Variants in RORA observed in about 807,000 individuals in gnomAD.
RORA encodes the protein nuclear receptor ROR-alpha.
A neutral mutation model predicts 69.5 loss-of-function variants in RORA; 7 were observed. The ratio of observed to expected loss-of-function variants is 0.10; its 90% CI spans 0.06 to 0.19. RORA has a LOEUF of 0.19. RORA is among the 10% of genes least tolerant of loss of function. RORA has a pLI of 1.00. For missense variants in RORA, 457 were observed against 663.0 expected (o/e 0.69, Z 3.41); for synonymous variants, 261 against 240.8 (o/e 1.08, Z -0.78).
intron 2 of RORA, among the ~76,000 whole-genome samples, chr15:60,572,826 C>G (rs1326161590): frequency 6.6e-6 from 1 of 152,182 alleles, no homozygotes; most frequent in Admixed American, 6.5e-5. Context: ...AGGCAGCTGG[C>G]AACGAATACT....
At chr15:61,023,614 C>A (rs1022572836) in intron 1 of RORA, among the ~76,000 whole-genome samples, 4 of 152,202 alleles carry the variant, frequency 2.6e-5, no homozygotes, top group African/African-American at 9.6e-5. Context: ...GTGGGACAAT[C>A]TCAAGATCAG....
At chr15:60,996,730 G>T (rs1398999968) in intron 1 of RORA, among the ~76,000 whole-genome samples, 1 of 152,052 alleles carries the variant, frequency 6.6e-6, no homozygotes, top group East Asian at 1.9e-4. Context: ...CTAACATGGT[G>T]AAACCCCGTC....
At chr15:60,930,857 G>A (rs1391765080) in intron 1 of RORA, among the ~76,000 whole-genome samples, 1 of 152,154 alleles carries the variant, frequency 6.6e-6, no homozygotes, top group Non-Finnish European at 1.5e-5. Context: ...ACCGACCCTG[G>A]TGGGGCAAAA....
chr15:60,610,302 G>A (rs2069055922), intron 2 of RORA, among the ~76,000 whole-genome samples: 1 of 152,048 alleles, frequency 6.6e-6, no homozygotes, highest in African/African-American at 2.4e-5. Context: ...GCAAGGCAAT[G>A]GCAATCCATC....
intron 1 of RORA, among the ~76,000 whole-genome samples, chr15:60,776,785 C>T (rs758909089): frequency 3.3e-5 from 5 of 152,066 alleles, no homozygotes; most frequent in Non-Finnish European, 7.4e-5. Context: ...GTGCAATTAC[C>T]GTCTTTGGAT....
At chr15:61,078,922 C>A (rs1476304880) in intron 1 of RORA, among the ~76,000 whole-genome samples, 2 of 152,158 alleles carry the variant, frequency 1.3e-5, no homozygotes, top group African/African-American at 4.8e-5. Context: ...AACAGCTCTA[C>A]AAGGTCCACT....
chr15:60,665,007 C>T (rs145149973), intron 2 of RORA, among the ~76,000 whole-genome samples: 1 of 152,142 alleles, frequency 6.6e-6, no homozygotes, highest in South Asian at 2.1e-4. Flanking sequence ...ATGAGGTGGA[C>T]AATAGTTTTG....
intron 1 of RORA, among the ~76,000 whole-genome samples, chr15:61,062,932 T>C (rs529032740): frequency 6.6e-6 from 1 of 152,322 alleles, no homozygotes; most frequent in South Asian, 2.1e-4. Flanking sequence ...TTTTTTTTTC[T>C]AAGTTATGAT....
intron 2 of RORA, among the ~76,000 whole-genome samples, chr15:60,556,352 G>C (rs1164831925): frequency 6.6e-6 from 1 of 152,104 alleles, no homozygotes; most frequent in Non-Finnish European, 1.5e-5. Context: ...TTCATAAATA[G>C]AAACAGGGAG....
chr15:60,801,075 A>G (rs987180706), intron 1 of RORA, among the ~76,000 whole-genome samples: 1 of 152,218 alleles, frequency 6.6e-6, no homozygotes, highest in Non-Finnish European at 1.5e-5. Context: ...ATAAAGAGTT[A>G]TTACCAAAGG....
At chr15:60,627,180 T>TG (rs2069606063) in intron 2 of RORA, 1 of 1,480,236 alleles carries the variant, frequency 6.8e-7, no homozygotes, top group Non-Finnish European at 9.4e-7. Context: ...TTGTGGGTGG[T>TG]GGGGGGAGGG....
intron 1 of RORA, among the ~76,000 whole-genome samples, chr15:60,776,714 T>C (rs2072172774): frequency 6.6e-6 from 1 of 152,160 alleles, no homozygotes; most frequent in African/African-American, 2.4e-5. Context: ...GTGGAGTTCT[T>C]GTAAAGAGTC....
In RORA at chr15:60,763,065, A is replaced by ATTTTTTTTTTT. The variant is rs374433414; in HGVS notation, c.167-84390_167-84380dup. Among the ~76,000 whole-genome samples the ATTTTTTTTTTT allele has an allele frequency of 2.1e-3, 102 of 48,372 alleles. 19 individuals carry two copies. Among genetic ancestry groups the ATTTTTTTTTTT allele is most frequent in the East Asian group, 0.016 (23 of 1,446 alleles). The allele number at this position is 48,372 out of a possible 152,430, so 31.7% of individuals were successfully genotyped here. A position where few individuals can be genotyped will look rare whatever the true frequency, so the allele number is the denominator to read the frequency against. On this transcript the variant is annotated intron_variant, in intron 1 of 10. Transcript: ENST00000335670. Reference sequence around the variant, plus strand: ...AAAGTACTGTTTCCAATATGCACAGATTTTTTTTTTTTTTTTTTTTTTTTT... The same window carrying ATTTTTTTTTTT: ...AAAGTACTGTTTCCAATATGCACAGATTTTTTTTTTTTTTTTTTTTTTTTTTTTTTTTTTTT...
rs2068695568 is a variant in RORA at position 60,597,536 on chromosome 15, CACACACACACACAACA to C, written c.197-65701_197-65686del. On this transcript the variant is annotated intron_variant, in intron 2 of 10. Coordinates refer to ENST00000335670, the MANE Select transcript of RORA (RefSeq NM_134261.3). ...ATACACACACACACACACACACACACACACACACACACAACATATATATATATATATATATATACAC... is the reference window on the plus strand; with the variant it reads ...ATACACACACACACACACACACACACTATATATATATATATATATATACAC... 6.1e-5 allele frequency among the ~76,000 whole-genome samples: 6 copies of C among 98,574 alleles called. 1 individual carries two copies. The South Asian group carries it at 1.7e-3, about 28-fold the overall frequency. 64.7% of individuals were successfully genotyped at this position (98,574 alleles called of 152,430 possible).
At chr15:61,118,952 G>A (rs2079075040) in intron 1 of RORA, among the ~76,000 whole-genome samples, 1 of 151,984 alleles carries the variant, frequency 6.6e-6, no homozygotes, top group Admixed American at 6.6e-5. Flanking sequence ...CTATAATACT[G>A]ACATCAAGCG....
At chr15:60,800,732 C>G (rs2072568000) in intron 1 of RORA, among the ~76,000 whole-genome samples, 1 of 152,174 alleles carries the variant, frequency 6.6e-6, no homozygotes, top group Admixed American at 6.5e-5. Context: ...CCCAGCCCCC[C>G]AAACTCCTAT....
intron 1 of RORA, among the ~76,000 whole-genome samples, chr15:60,809,622 C>A (rs893081546): frequency 1.3e-5 from 2 of 152,132 alleles, no homozygotes; most frequent in African/African-American, 4.8e-5. Flanking sequence ...CTCCCACCCC[C>A]ACCACACACA....
intron 1 of RORA, among the ~76,000 whole-genome samples, chr15:61,178,650 T>C (rs547276378): frequency 6.6e-6 from 1 of 152,264 alleles, no homozygotes; most frequent in Admixed American, 6.5e-5. Flanking sequence ...CAAGATTCTT[T>C]TTAAAAATAA....
chr15:60,839,190 G>A (rs1373527326), intron 1 of RORA, among the ~76,000 whole-genome samples: 7 of 152,062 alleles, frequency 4.6e-5, no homozygotes, highest in Admixed American at 1.3e-4. Flanking sequence ...GAGCCACCGC[G>A]CCTGGCCTCA....
Sources: gnomAD v4.1 joint callset for allele counts (sites outside exome capture counted in the v4.1 genomes callset) on GRCh38, gnomAD v4.1.1 for gene constraint, MANE v1.5 for transcripts, NCBI Gene and HGNC (gene_info 2026-07-23, HGNC 2026-07-21) for gene names.